CDCA2: variants seen among roughly 807,000 people sequenced by gnomAD.
The protein encoded by CDCA2 is cell division cycle-associated protein 2.
CDCA2 carries 44 observed loss-of-function variants against 67.0 expected under a neutral mutation model. The observed-to-expected ratio is 0.66, with a 90% CI of 0.52 to 0.84. The LOEUF (loss-of-function observed/expected upper bound fraction) is 0.84. CDCA2 is among the 40% of genes least tolerant of loss of function. CDCA2 has a pLI of 0.00. For synonymous variants in CDCA2, 447 were observed against 418.7 expected (o/e 1.07, Z -0.82); for missense variants, 1,253 against 1,203.2 (o/e 1.04, Z -0.61).
chr8:25,468,923 T>C (rs1269118985), intron 6 of CDCA2, among the ~76,000 whole-genome samples: 1 of 152,208 alleles, frequency 6.6e-6, no homozygotes, highest in African/African-American at 2.4e-5. Context: ...TTCAGCAATT[T>C]CTCCTTTGCT....
intron 13 of CDCA2, among the ~76,000 whole-genome samples, chr8:25,494,244 G>A (rs1380214817): frequency 5.3e-5 from 8 of 151,964 alleles, no homozygotes; most frequent in African/African-American, 1.9e-4. Context: ...AGGATTGCTT[G>A]AGGCCAGTAG....
At chr8:25,491,185 G>A (rs909181615) in intron 13 of CDCA2, among the ~76,000 whole-genome samples, 6 of 152,128 alleles carry the variant, frequency 3.9e-5, no homozygotes, top group African/African-American at 1.4e-4. Flanking sequence ...GACTGGAAAC[G>A]AGAATCTAGG....
intron 3 of CDCA2, among the ~76,000 whole-genome samples, chr8:25,461,119 T>G (rs547634954): frequency 4.6e-5 from 7 of 151,726 alleles, no homozygotes; most frequent in Admixed American, 1.3e-4. Context: ...AATACAAAAT[T>G]AGCCGGGCAT....
intron 4 of CDCA2, among the ~76,000 whole-genome samples, chr8:25,464,564 G>T (rs1802824438): frequency 6.6e-6 from 1 of 152,174 alleles, no homozygotes; most frequent in Non-Finnish European, 1.5e-5. Context: ...TGCTTTGTAT[G>T]TAAACATTGT....
At chr8:25,495,705 C>T (rs1286775796) in intron 13 of CDCA2, among the ~76,000 whole-genome samples, 2 of 152,130 alleles carry the variant, frequency 1.3e-5, no homozygotes, top group South Asian at 4.1e-4. Context: ...CAGGCGTGAG[C>T]CACTGCGCCT....
At position 25,483,968 on chromosome 8, in the gene CDCA2, G is replaced by T; in HGVS notation, c.1123G>T (p.Asp375Tyr). 6.2e-7 allele frequency: 1 copy of T among 1,612,020 alleles called. No homozygotes were observed. Among genetic ancestry groups the T allele is most frequent in the Non-Finnish European group, 8.5e-7 (1 of 1,178,610 alleles). Reference sequence around the variant, plus strand: ...TCTCATTTATTGTCTAATTATAGAAGATGAAGAAAATTTTGAAGCACCTGC... The same window carrying T: ...TCTCATTTATTGTCTAATTATAGAATATGAAGAAAATTTTGAAGCACCTGC... ...PNCCKEKEAE[D>Y]EENFEAPAFL... Residue 375 changes from aspartate (D) to tyrosine (Y), a missense_variant and splice_region_variant, in exon 10 of 15, where the codon GAT becomes TAT. By Grantham distance (160) the Asp-to-Tyr change is radical. Transcript: ENST00000330560.
intron 5 of CDCA2, 121 bp downstream of exon 5, chr8:25,466,446 A>C: frequency 1.1e-6 from 1 of 875,970 alleles, no homozygotes; most frequent in Non-Finnish European, 1.6e-6. Context: ...ATAAAGTGAG[A>C]CTAACATTAA....
chr8:25,479,944 A>G lies in CDCA2; in HGVS notation c.852A>G (p.Lys284=). Reference sequence around the variant, plus strand: ...AGGTTGCTGACTGTGTAGTGGGCAAAGGATCAAGTGATGCCGTTTCGCCTG... The same window carrying G: ...AGGTTGCTGACTGTGTAGTGGGCAAGGGATCAAGTGATGCCGTTTCGCCTG... The part of the protein sequence containing the change: ...ALKVADCVVG[K]GSSDAVSPDT... The change falls in exon 8 of 15, where the codon AAA becomes AAG. Residue 284 remains lysine, a synonymous_variant. Coordinates refer to ENST00000330560, the MANE Select transcript of CDCA2 (RefSeq NM_152562.4). 6.2e-7 allele frequency: 1 copy of G among 1,614,184 alleles called. No homozygotes were observed. Among genetic ancestry groups the G allele is most frequent in the Non-Finnish European group, 8.5e-7 (1 of 1,180,040 alleles).
At chr8:25,499,848 G>A (rs1160107171) in intron 13 of CDCA2, among the ~76,000 whole-genome samples, 1 of 152,142 alleles carries the variant, frequency 6.6e-6, no homozygotes, top group Non-Finnish European at 1.5e-5. Context: ...TTCCCCCGGG[G>A]GTTCCAAGCA....
chr8:25,493,302 C>T (rs1804085091), intron 13 of CDCA2, among the ~76,000 whole-genome samples: 3 of 152,118 alleles, frequency 2.0e-5, no homozygotes, highest in Admixed American at 2.0e-4. Context: ...TTAAATGCCA[C>T]TTCTCAACCA....
At chr8:25,472,957 C>G (rs1395916067) in intron 7 of CDCA2, among the ~76,000 whole-genome samples, 1 of 152,090 alleles carries the variant, frequency 6.6e-6, no homozygotes, top group Non-Finnish European at 1.5e-5. Flanking sequence ...AAAACTGATT[C>G]CACTTATCTA....
At chr8:25,479,879 TTC>T (rs746320422) in intron 7 of CDCA2, 32 bp from the exon 8 acceptor site, 2 of 1,593,164 alleles carry the variant, frequency 1.3e-6, no homozygotes, top group East Asian at 4.5e-5. Flanking sequence ...TTAAGAGATC[TTC>T]TGCCTCTCAA....
chr8:25,487,423 T>A (rs751140173), intron 12 of CDCA2, 89 bp downstream of exon 12: 15 of 856,882 alleles, frequency 1.8e-5, no homozygotes, highest in Non-Finnish European at 2.9e-5. Flanking sequence ...ATGGGTGAAA[T>A]CTTAGTTTAA....
chr8:25,487,432 A>AACT, intron 12 of CDCA2, 98 bp downstream of exon 12: 1 of 799,742 alleles, frequency 1.3e-6, no homozygotes, highest in South Asian at 1.6e-5. Flanking sequence ...ATCTTAGTTT[A>AACT]ATCAGTGTCA....
At chr8:25,465,780 T>G (rs1024825466) in intron 4 of CDCA2, among the ~76,000 whole-genome samples, 4 of 152,134 alleles carry the variant, frequency 2.6e-5, no homozygotes, top group African/African-American at 9.7e-5. Context: ...TAGAAACAGC[T>G]TGGACTGAAG....
chr8:25,490,147 C>G (rs745505646), intron 13 of CDCA2, among the ~76,000 whole-genome samples: 2 of 152,164 alleles, frequency 1.3e-5, no homozygotes, highest in Admixed American at 6.5e-5. Context: ...TGAAAAAATA[C>G]CATTAATTCA....
chr8:25,492,845 G>A (rs1193595934), intron 13 of CDCA2, among the ~76,000 whole-genome samples: 2 of 152,250 alleles, frequency 1.3e-5, no homozygotes, highest in East Asian at 3.8e-4. Flanking sequence ...AAGGTGAAAA[G>A]TGAGTTAAGG....
intron 8 of CDCA2, among the ~76,000 whole-genome samples, chr8:25,481,651 C>A (rs1186139186): frequency 6.6e-6 from 1 of 152,040 alleles, no homozygotes; most frequent in African/African-American, 2.4e-5. Flanking sequence ...GATTGTGCCC[C>A]TGCACTCCAG....
intron 13 of CDCA2, among the ~76,000 whole-genome samples, chr8:25,502,567 T>G (rs1804520761): frequency 6.6e-6 from 1 of 151,986 alleles, no homozygotes; most frequent in East Asian, 1.9e-4. Context: ...TGTTTGAATC[T>G]GCAGGTTCAG....
Sources: gnomAD v4.1 joint callset for allele counts (sites outside exome capture counted in the v4.1 genomes callset) on GRCh38, gnomAD v4.1.1 for gene constraint, MANE v1.5 for transcripts, NCBI Gene and HGNC (gene_info 2026-07-23, HGNC 2026-07-21) for gene names.